The following FGR variants were observed in gnomAD, a reference collection of about 807,000 sequenced individuals.
FGR encodes the protein FGR proto-oncogene, Src family tyrosine kinase, also known as tyrosine-protein kinase Fgr.
In FGR, 26 loss-of-function variants were observed where a neutral mutation model predicts 63.2. That is an observed-to-expected ratio of 0.41 (90% CI 0.30 to 0.57). The LOEUF (loss-of-function observed/expected upper bound fraction) is 0.57. FGR is among the 20% of genes least tolerant of loss of function. The pLI, the probability that FGR is intolerant of heterozygous loss-of-function variation, is 0.27. For missense variants in FGR, 511 were observed against 690.8 expected, an observed-to-expected ratio of 0.74 and a Z score of 2.92; for synonymous variants, 286 against 277.7, an observed-to-expected ratio of 1.03 and a Z score of -0.30.
chr1:27,632,387 C>T (rs1406423269), intron 1 of FGR, among the ~76,000 whole-genome samples: 1 of 152,138 alleles, frequency 6.6e-6, no homozygotes, highest in Non-Finnish European at 1.5e-5. Flanking sequence ...ATCCACCCAC[C>T]TCGGCCTCCT....
At chr1:27,620,991 CAAAAA>C (rs59265327) in intron 5 of FGR, among the ~76,000 whole-genome samples, 1,233 of 21,900 alleles carry the variant, frequency 0.056, 6 homozygotes, top group Middle Eastern at 0.12. Context: ...GACCCTGTCT[CAAAAA>C]AAAAAAAAAA....
rs745913063 is a variant in FGR at position 27,615,387 on chromosome 1, TCTTAA to T, written c.1018+42_1018+46del. On this transcript the variant is annotated intron_variant, in intron 9 of 12. Coordinates refer to ENST00000374005, the MANE Select transcript of FGR (RefSeq NM_005248.3). The surrounding 1 kb of genome is among the most constrained non-coding windows in gnomAD (Gnocchi z 7.6). The stretch of plus-strand genomic sequence containing the variant: ...CAGGTCCCACGCCTGAAAACTCCCC[TCTTAA>T]CTTCACCCCGAATCCCGCCCGACCA... The T allele has an allele frequency of 6.4e-7, 1 of 1,570,626 alleles. No individual in the cohort carries two copies. The highest frequency in any genetic ancestry group is 1.3e-5 in the African/African-American group (1 of 74,326).
chr1:27,624,440 A>G (rs2089985815), intron 2 of FGR, among the ~76,000 whole-genome samples: 1 of 151,954 alleles, frequency 6.6e-6, no homozygotes, highest in Non-Finnish European at 1.5e-5. Flanking sequence ...GTCTTGCTAT[A>G]TTGCTCAGGT....
intron 1 of FGR, among the ~76,000 whole-genome samples, chr1:27,625,746 C>A (rs1029864717): frequency 1.3e-5 from 2 of 152,150 alleles, no homozygotes; most frequent in Admixed American, 1.3e-4. Flanking sequence ...CGAGACCAGC[C>A]TGGCCAATAT....
Position 27,615,845 on chromosome 1 carries a change from C to T in FGR, c.683-1G>A. 6.3e-7 allele frequency: 1 copy of T among 1,580,450 alleles called. No individual in the cohort carries two copies. The highest frequency in any genetic ancestry group is 1.3e-5 in the African/African-American group (1 of 74,286). ...AGGTTGCACAGCCCGTCATTCACCT[C>T]TAGGGGAGGGGTCATGAAGTAGAGT... On this transcript the variant is annotated splice_acceptor_variant, in intron 7 of 12. Coordinates refer to ENST00000374005, the MANE Select transcript of FGR (RefSeq NM_005248.3). LOFTEE classifies it high-confidence loss of function. This position sits in a 1 kb window ranked among gnomAD's most constrained non-coding sequence, Gnocchi z 7.6.
chr1:27,615,055 T>C lies in FGR; in HGVS notation c.1019-129A>G. ...CCTCACTTAGGACCCCGCGGGTGCC[T>C]CAACCCCTCACTTGTCTCGTCCTGG... On this transcript the variant is annotated intron_variant, in intron 9 of 12. Transcript: ENST00000374005. The surrounding 1 kb of genome is among the most constrained non-coding windows in gnomAD (Gnocchi z 7.6). The C allele has an allele frequency of 1.5e-6, 1 of 656,400 alleles. No individual in the cohort carries two copies. The highest frequency in any genetic ancestry group is 2.6e-6 in the Non-Finnish European group (1 of 383,394). 40.7% of individuals were successfully genotyped at this position (656,400 alleles called of 1,614,324 possible).
In FGR at chr1:27,617,073, G is replaced by T; in HGVS notation, c.533-67C>A. On this transcript the variant is annotated intron_variant, in intron 6 of 12. Transcript: ENST00000374005. This position sits in a 1 kb window ranked among gnomAD's most constrained non-coding sequence, Gnocchi z 4.5. ...CTAGTCTGGGAGCTGGGAGAGGCCC[G>T]ACAGCAGCATCCCTAGGACCTGGTC... is the stretch of plus-strand genomic sequence containing the variant. 6.2e-7 allele frequency: 1 copy of T among 1,606,632 alleles called. No homozygotes were observed. Among genetic ancestry groups the T allele is most frequent in the African/African-American group, 1.3e-5 (1 of 74,842 alleles).
Position 27,612,965 on chromosome 1 carries a change from C to T in FGR, c.1539G>A (p.Glu513=), listed in dbSNP as rs1309222273. The T allele has an allele frequency of 7.4e-6, 12 of 1,614,072 alleles. No homozygotes were observed. The highest frequency in any genetic ancestry group is 1.0e-5 in the Non-Finnish European group (12 of 1,180,034). Residue 513 remains glutamate, a synonymous_variant, in exon 13 of 13, where the codon GAG becomes GAA. Transcript: ENST00000374005. ...PTFEYLQSFL[E]DYFTSAEPQY... Reference sequence around the variant, plus strand: ...GTGGTTCAGCGGAGGTGAAGTAGTCCTCCAGGAAGGACTGCAGGTACTCGA... The same window carrying T: ...GTGGTTCAGCGGAGGTGAAGTAGTCTTCCAGGAAGGACTGCAGGTACTCGA...
At chr1:27,625,649 C>G (rs1367483364) in intron 1 of FGR, among the ~76,000 whole-genome samples, 1 of 152,150 alleles carries the variant, frequency 6.6e-6, no homozygotes, top group Non-Finnish European at 1.5e-5. Flanking sequence ...TCCTAAAAAC[C>G]AGTTCTTCCG....
chr1:27,618,102 A>G (rs1021789908), intron 5 of FGR, among the ~76,000 whole-genome samples: 1 of 152,106 alleles, frequency 6.6e-6, no homozygotes, highest in Non-Finnish European at 1.5e-5. Flanking sequence ...GTCTCAGTGG[A>G]CCCTGGGAAG....
chr1:27,622,876 C>T (rs947118256), intron 4 of FGR, among the ~76,000 whole-genome samples, 166 bp downstream of exon 4: 1 of 152,210 alleles, frequency 6.6e-6, no homozygotes, highest in African/African-American at 2.4e-5. Context: ...CCCAACACCA[C>T]CCCCCTCAAC....
intron 1 of FGR, among the ~76,000 whole-genome samples, chr1:27,632,140 CTT>C (rs71739634): frequency 1.6e-4 from 23 of 139,976 alleles, no homozygotes; most frequent in South Asian, 2.2e-4. Context: ...TCTTCTTCTT[CTT>C]TTTTTTTTTT....
intron 1 of FGR, 66 bp downstream of exon 1, chr1:27,634,999 C>G (rs2090159101): frequency 6.6e-6 from 1 of 152,386 alleles, no homozygotes. Flanking sequence ...CCAGTCCTCT[C>G]TCCAGAGCCT....
In FGR at chr1:27,617,248, A is replaced by T. The variant is rs766329947; in HGVS notation, c.477T>A (p.Leu159=). 6.2e-7 allele frequency: 1 copy of T among 1,614,138 alleles called. No homozygotes were observed. Among genetic ancestry groups the T allele is most frequent in the South Asian group, 1.1e-5 (1 of 91,076 alleles). Residue 159 remains leucine (L), a synonymous_variant, in exon 6 of 13, where the codon CTT becomes CTA. Coordinates refer to ENST00000374005, the MANE Select transcript of FGR (RefSeq NM_005248.3). This position sits in a 1 kb window ranked among gnomAD's most constrained non-coding sequence, Gnocchi z 4.5. The part of the protein sequence containing the change: ...IGRKDAERQL[L]SPGNPQGAFL... Reference sequence around the variant, plus strand: ...AGGCCCCCTGGGGGTTGCCTGGTGAAAGCAGCTGCCTCTCTGCATCCTTTC... The same window carrying T: ...AGGCCCCCTGGGGGTTGCCTGGTGATAGCAGCTGCCTCTCTGCATCCTTTC...
At chr1:27,628,791 T>C (rs1426430377) in intron 1 of FGR, among the ~76,000 whole-genome samples, 2 of 152,218 alleles carry the variant, frequency 1.3e-5, no homozygotes, top group African/African-American at 2.4e-5. Flanking sequence ...GGAAGCTCTG[T>C]GGGCTCAGGA....
chr1:27,632,242 T>C (rs941230417), intron 1 of FGR, among the ~76,000 whole-genome samples: 1 of 151,788 alleles, frequency 6.6e-6, no homozygotes, highest in Non-Finnish European at 1.5e-5. Flanking sequence ...GTTCAAGCAA[T>C]TCTCCTGCCT....
chr1:27,623,621 G>A (rs979779856), intron 3 of FGR, 70 bp downstream of exon 3: 7 of 1,513,154 alleles, frequency 4.6e-6, no homozygotes, highest in South Asian at 1.2e-5. Flanking sequence ...GGGCAAGTTC[G>A]CATCTCTTCT....
At chr1:27,627,201 G>T (rs2090035209) in intron 1 of FGR, among the ~76,000 whole-genome samples, 1 of 151,604 alleles carries the variant, frequency 6.6e-6, no homozygotes, top group African/African-American at 2.4e-5. Flanking sequence ...AAAAACCAAG[G>T]GTGAGAATAA....
Position 27,621,571 on chromosome 1 carries a change from A to G in FGR, c.416T>C (p.Ile139Thr), listed in dbSNP as rs746232366. The G allele has an allele frequency of 6.2e-7, 1 of 1,613,462 alleles. No individual in the cohort carries two copies. Among genetic ancestry groups the G allele is most frequent in the South Asian group, 1.1e-5 (1 of 91,060 alleles). ...PSNYVAPVDS[I>T]QAEEWYFGKI... ...AATCCCTACTTACTCTTCAGCTTGG[A>G]TTGAGTCAACAGGGGCCACGTAGTT... Residue 139 changes from isoleucine (I) to threonine (T), a missense_variant, in exon 5 of 13, where the codon ATC becomes ACC. Transcript: ENST00000374005.
Sources: gnomAD v4.1 joint callset for allele counts (sites outside exome capture counted in the v4.1 genomes callset) on GRCh38, gnomAD v4.1.1 for gene constraint, Gnocchi (gnomAD v3.1) non-coding constraint, MANE v1.5 for transcripts, NCBI Gene and HGNC (gene_info 2026-07-23, HGNC 2026-07-21) for gene names.